The following PRG2 variants were observed in gnomAD, a reference collection of about 807,000 sequenced individuals.
PRG2 encodes the protein proteoglycan 2, pro eosinophil major basic protein.
A neutral mutation model predicts 24.7 loss-of-function variants in PRG2; 23 were observed. That is an observed-to-expected ratio of 0.93 (90% CI 0.67 to 1.32). PRG2 has a LOEUF of 1.32. Among genes scored for constraint, PRG2 ranks in the 40% most tolerant of loss-of-function variants. PRG2 has a pLI of 0.00. For missense variants in PRG2, 271 were observed against 280.9 expected, an observed-to-expected ratio of 0.96 and a Z score of 0.25; for synonymous variants, 104 against 99.8, an observed-to-expected ratio of 1.04 and a Z score of -0.25.
In PRG2 at chr11:57,389,023, A is replaced by G. The variant is rs376977824; in HGVS notation, c.353T>C (p.Phe118Ser). Reference sequence around the variant, plus strand: ...TAGGCCACTCACCCAAGCTTGACTAAACGTCTGAAGACTTCTCACCAGGAG... The same window carrying G: ...TAGGCCACTCACCCAAGCTTGACTAGACGTCTGAAGACTTCTCACCAGGAG... ...RYLLVRSLQT[F>S]SQAWFTCRRC... The change falls in exon 3 of 6, where the codon TTT (phenylalanine) becomes TCT (serine). Residue 118 changes from phenylalanine (F) to serine (S), a missense_variant. Phe to Ser is a radical substitution (Grantham distance 155, BLOSUM62 -2). Transcript: ENST00000311862. 2 of 1,613,706 alleles carry G rather than the reference A, an allele frequency of 1.2e-6. No individual in the cohort carries two copies. Among genetic ancestry groups the G allele is most frequent in the African/African-American group, 2.7e-5 (2 of 74,910 alleles).
At chr11:57,388,730 A>G (rs376467723) in intron 3 of PRG2, 22 bp from the exon 4 acceptor site, 14 of 1,612,194 alleles carry the variant, frequency 8.7e-6, no homozygotes, top group South Asian at 3.3e-5. Flanking sequence ...GATAAAAGAC[A>G]AAGAATGGAG....
Position 57,389,142 on chromosome 11 carries a change from T to C in PRG2, c.234A>G (p.Ser78=). 1.2e-6 allele frequency: 2 copies of C among 1,614,194 alleles called. No homozygotes were observed. The highest frequency in any genetic ancestry group is 1.7e-6 in the Non-Finnish European group (2 of 1,180,010). The change falls in exon 3 of 6, where the codon TCA becomes TCG. Residue 78 remains serine, a synonymous_variant. Transcript: ENST00000311862. Reference sequence around the variant, plus strand: ...GGTTTTTGTCCACCATATCTGGCACTGAGATAGACTCAACAGCCCCATCTT... The same window carrying C: ...GGTTTTTGTCCACCATATCTGGCACCGAGATAGACTCAACAGCCCCATCTT... ...SKKDGAVESI[S]VPDMVDKNLT... is the part of the protein sequence containing the mutation.
intron 2 of PRG2, 117 bp from the exon 3 acceptor site, chr11:57,389,434 G>T: frequency 8.5e-7 from 1 of 1,173,840 alleles, no homozygotes; most frequent in South Asian, 1.6e-5. Flanking sequence ...GCCTGGGAAG[G>T]GGAACCTGGA....
At position 57,387,621 on chromosome 11, in the gene PRG2, G is replaced by A. The variant is rs1056151837; in HGVS notation, c.611-88C>T. 38 of 1,417,560 alleles carry A rather than the reference G, an allele frequency of 2.7e-5. 1 individual carries two copies. The African/African-American group carries it at 4.8e-4, about 18-fold the overall frequency. 87.8% of individuals were successfully genotyped at this position (1,417,560 alleles called of 1,614,324 possible). A position where few individuals can be genotyped will look rare whatever the true frequency, so the allele number is the denominator to read the frequency against. On this transcript the variant is annotated intron_variant, in intron 5 of 5. Transcript: ENST00000311862. Reference sequence around the variant, plus strand: ...GGGCCTCTTTTCCCACCCACACACTGCTGTGGAGTCAGAGTATATAAAAGA... The same window carrying A: ...GGGCCTCTTTTCCCACCCACACACTACTGTGGAGTCAGAGTATATAAAAGA...
chr11:57,387,358 A>G lies in PRG2; in HGVS notation c.*117T>C, dbSNP rs1174446031. ...TGGATCCGCGATCAGAGGAGAAAATAAATCCATTTCAGTAAAACCCATTTT... is the reference window on the plus strand; with the variant it reads ...TGGATCCGCGATCAGAGGAGAAAATGAATCCATTTCAGTAAAACCCATTTT... On this transcript the variant is annotated 3_prime_UTR_variant, in exon 6 of 6. Coordinates refer to ENST00000311862, the MANE Select transcript of PRG2 (RefSeq NM_002728.6). 1.1e-6 allele frequency: 1 copy of G among 893,608 alleles called. No homozygotes were observed. The highest frequency in any genetic ancestry group is 1.8e-6 in the Non-Finnish European group (1 of 565,380). The allele number at this position is 893,608 out of a possible 1,614,324, so 55.4% of individuals were successfully genotyped here. A position where few individuals can be genotyped will look rare whatever the true frequency, so the allele number is the denominator to read the frequency against.
At chr11:57,390,188 T>C (rs911675803) in intron 1 of PRG2, among the ~76,000 whole-genome samples, 1 of 152,184 alleles carries the variant, frequency 6.6e-6, no homozygotes, top group African/African-American at 2.4e-5. Flanking sequence ...TGGCTGAGGC[T>C]GGCTTTCCTT....
chr11:57,389,163 A>T lies in PRG2; in HGVS notation c.213T>A (p.Asp71Glu). Residue 71 changes from aspartate to glutamate, a missense_variant, in exon 3 of 6, where the codon GAT (aspartate) becomes GAA (glutamate). Asp to Glu is a conservative substitution (Grantham distance 45, BLOSUM62 2). Coordinates refer to ENST00000311862, the MANE Select transcript of PRG2 (RefSeq NM_002728.6). ...GCACTGAGATAGACTCAACAGCCCCATCTTTCTTGGAGGCATCTTCACTTC... is the reference window on the plus strand; with the variant it reads ...GCACTGAGATAGACTCAACAGCCCCTTCTTTCTTGGAGGCATCTTCACTTC... ...GSGSEDASKK[D>E]GAVESISVPD... 1.2e-6 allele frequency: 2 copies of T among 1,614,084 alleles called. No homozygotes were observed. Among genetic ancestry groups the T allele is most frequent in the Non-Finnish European group, 1.7e-6 (2 of 1,180,010 alleles).
rs373649120 is a variant in PRG2, at chr11:57,389,275, G to A, written c.101C>T (p.Thr34Met). The change falls in exon 3 of 6, where the codon ACG (threonine) becomes ATG (methionine). Residue 34 changes from threonine to methionine, a missense_variant. Physicochemically the swap from Thr to Met is moderately conservative, Grantham distance 81. Transcript: ENST00000311862. ...STFETPLGAK[T>M]LPEDEETPEQ... ...TGGTGTCTCCTCATCCTCAGGCAGC[G>A]TCTTAGCACCCAAAGGGGTCTCAAA... 9.3e-5 allele frequency: 150 copies of A among 1,613,730 alleles called. No homozygotes were observed. Among genetic ancestry groups the A allele is most frequent in the South Asian group, 1.1e-4 (10 of 91,078 alleles).
chr11:57,389,525 T>C (rs1295383317), intron 2 of PRG2, among the ~76,000 whole-genome samples: 2 of 152,206 alleles, frequency 1.3e-5, no homozygotes, highest in Admixed American at 1.3e-4. Context: ...CGGGCAGTCA[T>C]GGGCTTGGGT....
Position 57,387,489 on chromosome 11 carries a change from T to C in PRG2, c.655A>G (p.Ile219Val), listed in dbSNP as rs1042508471. Residue 219 changes from isoleucine (I) to valine (V), a missense_variant, in exon 6 of 6, where the codon ATC (isoleucine) becomes GTC (valine). By Grantham distance (29) the Ile-to-Val change is conservative. Transcript: ENST00000311862. ...RAHCLRRLPF[I>V]CSY ...CTGGGACCAGCTCAGTAGGAACAGA[T>C]GAAAGGAAGTCTTCTGAGGCAGTGG... 1.2e-6 allele frequency: 2 copies of C among 1,613,786 alleles called. No homozygotes were observed. Among genetic ancestry groups the C allele is most frequent in the South Asian group, 1.1e-5 (1 of 91,056 alleles).
chr11:57,390,509 A>G (rs1857136258), intron 1 of PRG2, 87 bp downstream of exon 1: 1 of 879,832 alleles, frequency 1.1e-6, no homozygotes, highest in South Asian at 5.2e-5. Flanking sequence ...GACGCCTGCC[A>G]GCCCTCCAGA....
chr11:57,388,824 G>C (rs1857100054), intron 3 of PRG2, 116 bp from the exon 4 acceptor site: 2 of 1,488,874 alleles, frequency 1.3e-6, no homozygotes, highest in East Asian at 4.7e-5. Flanking sequence ...TTGAAGGTTG[G>C]AGACCAAAAT....
Position 57,389,067 on chromosome 11 carries a change from C to T in PRG2, c.309G>A (p.Gly103=). 6.2e-7 allele frequency: 1 copy of T among 1,614,214 alleles called. No individual in the cohort carries two copies. Among genetic ancestry groups the T allele is most frequent in the South Asian group, 1.1e-5 (1 of 91,084 alleles). The change falls in exon 3 of 6, where the codon GGG becomes GGA. Residue 103 remains glycine (G), a synonymous_variant. Transcript: ENST00000311862. ...EDTVKVVGIP[G]CQTCRYLLVR... is the part of the protein sequence containing the mutation. ...CCAGGAGGTAGCGGCAGGTCTGGCACCCAGGGATGCCCACCACTTTTACTG... is the reference window on the plus strand; with the variant it reads ...CCAGGAGGTAGCGGCAGGTCTGGCATCCAGGGATGCCCACCACTTTTACTG...
At chr11:57,388,951 G>A in intron 3 of PRG2, 59 bp downstream of exon 3, 3 of 1,560,124 alleles carry the variant, frequency 1.9e-6, no homozygotes, top group Middle Eastern at 2.0e-4. Context: ...AGCAATGCTG[G>A]GGGCATATCC....
intron 4 of PRG2, 114 bp from the exon 5 acceptor site, chr11:57,387,979 G>T (rs1857080003): frequency 2.9e-6 from 2 of 694,610 alleles, no homozygotes; most frequent in Non-Finnish European, 2.4e-6. Context: ...GCCCTTCCCT[G>T]CTGGACCATG....
intron 1 of PRG2, 92 bp from the exon 2 acceptor site, chr11:57,390,048 T>C (rs1857128692): frequency 9.1e-7 from 1 of 1,101,554 alleles, no homozygotes; most frequent in East Asian, 2.5e-5. Flanking sequence ...GGGAGTGAGG[T>C]GGAGAAAAAG....
chr11:57,389,356 TC>T (rs1450350855), intron 2 of PRG2, 39 bp from the exon 3 acceptor site: 2 of 1,576,144 alleles, frequency 1.3e-6, no homozygotes, highest in Admixed American at 1.7e-5. Flanking sequence ...CCTTCACATC[TC>T]CCCTTGTTCC....
At chr11:57,388,149 T>C (rs1005664568) in intron 4 of PRG2, among the ~76,000 whole-genome samples, 37 of 13,846 alleles carry the variant, frequency 2.7e-3, no homozygotes, top group Admixed American at 0.018. Context: ...CATGGTCTTG[T>C]TTTAATTTTT....
At position 57,388,654 on chromosome 11, in the gene PRG2, T is replaced by C; in HGVS notation, c.421A>G (p.Ile141Val). The C allele has an allele frequency of 6.2e-7, 1 of 1,614,050 alleles. No homozygotes were observed. Among genetic ancestry groups the C allele is most frequent in the Non-Finnish European group, 8.5e-7 (1 of 1,179,962 alleles). ...ACAGAACACTGGATTCGATAATTAA[T>C]ATTGAAGTTGTGGATGGAAACCAGG... Reference protein sequence around the residue: ...GNLVSIHNFNINYRIQCSVSA... With the variant: ...GNLVSIHNFNVNYRIQCSVSA... Residue 141 changes from isoleucine to valine, a missense_variant, in exon 4 of 6, where the codon ATT (isoleucine) becomes GTT (valine). By Grantham distance (29) the Ile-to-Val change is conservative. Transcript: ENST00000311862.
Sources: allele counts gnomAD v4.1 joint callset (sites outside exome capture counted in the v4.1 genomes callset), GRCh38; gene constraint gnomAD v4.1.1; transcripts MANE v1.5; gene names NCBI Gene and HGNC (gene_info 2026-07-23, HGNC 2026-07-21).